ARHGAP26: variants seen among roughly 807,000 people sequenced by gnomAD.
The protein encoded by ARHGAP26 is rho GTPase-activating protein 26.
ARHGAP26 carries 38 observed loss-of-function variants against 104.8 expected under a neutral mutation model. The observed-to-expected ratio is 0.36, with a 90% CI of 0.28 to 0.48. The LOEUF (loss-of-function observed/expected upper bound fraction) is 0.48, where lower values mean the gene tolerates loss of function less well. Ranked by LOEUF, ARHGAP26 falls within the 20% of genes least tolerant of loss-of-function variation. The pLI is 0.99. For missense variants in ARHGAP26, 704 were observed against 947.9 expected (o/e 0.74, Z 3.38); for synonymous variants, 341 against 340.0 (o/e 1.00, Z -0.03).
intron 14 of ARHGAP26, among the ~76,000 whole-genome samples, chr5:143,047,397 T>C (rs2150192126): frequency 6.6e-6 from 1 of 152,364 alleles, no homozygotes; most frequent in Admixed American, 6.5e-5. Flanking sequence ...AAAAGATGCT[T>C]GTGGGTTGCT....
rs545353178 is a variant in ARHGAP26, at chr5:143,015,019, C to T, written c.1144+903C>T. Among the ~76,000 whole-genome samples the T allele has an allele frequency of 2.6e-5, 4 of 151,908 alleles. No individual in the cohort carries two copies. In the East Asian group the frequency reaches 5.8e-4, roughly 22 times the overall value. The stretch of plus-strand genomic sequence containing the variant: ...AAGCCATTACAGGACAGAGATTTTT[C>T]CCCCCCTTTCTTTCTCTTCAAAATA... On this transcript the variant is annotated intron_variant, in intron 12 of 22. Coordinates refer to ENST00000645722, the MANE Select transcript of ARHGAP26 (RefSeq NM_001135608.3).
chr5:142,853,005 C>T (rs529922655), intron 1 of ARHGAP26, among the ~76,000 whole-genome samples: 1 of 152,084 alleles, frequency 6.6e-6, no homozygotes, highest in Non-Finnish European at 1.5e-5. Context: ...TCAAGCTTGC[C>T]TTTATCGAGC....
intron 6 of ARHGAP26, among the ~76,000 whole-genome samples, chr5:142,901,340 GA>G (rs1760300656): frequency 6.6e-6 from 1 of 152,184 alleles, no homozygotes; most frequent in Non-Finnish European, 1.5e-5. Flanking sequence ...TGGGAATATG[GA>G]AATATTTTAA....
intron 10 of ARHGAP26, among the ~76,000 whole-genome samples, chr5:142,916,997 G>C (rs945876348): frequency 1.3e-5 from 2 of 152,058 alleles, no homozygotes; most frequent in Non-Finnish European, 2.9e-5. Flanking sequence ...AGGTTCTCAG[G>C]AGCCTGTTCC....
At chr5:143,014,255 C>A in intron 12 of ARHGAP26, 139 bp downstream of exon 12, 1 of 880,464 alleles carries the variant, frequency 1.1e-6, no homozygotes, top group Non-Finnish European at 1.9e-6. Flanking sequence ...GTGGGACATG[C>A]CTCCACCCCA....
At chr5:143,164,671 T>C (rs1460441646) in intron 20 of ARHGAP26, among the ~76,000 whole-genome samples, 1 of 152,152 alleles carries the variant, frequency 6.6e-6, no homozygotes, top group Non-Finnish European at 1.5e-5. Flanking sequence ...CTGTGTTGAG[T>C]TGGTATTTTG....
chr5:143,013,552 C>T (rs1056641563), intron 11 of ARHGAP26, among the ~76,000 whole-genome samples: 3 of 152,196 alleles, frequency 2.0e-5, no homozygotes, highest in African/African-American at 4.8e-5. Flanking sequence ...TCCCACTCCC[C>T]GGTATTAACA....
chr5:143,010,330 G>T (rs777691983), intron 11 of ARHGAP26, among the ~76,000 whole-genome samples: 2 of 152,212 alleles, frequency 1.3e-5, no homozygotes, highest in African/African-American at 2.4e-5. Context: ...TAGACAAACT[G>T]TGTAACCACT....
At chr5:142,835,397 T>A (rs1236922050) in intron 1 of ARHGAP26, among the ~76,000 whole-genome samples, 1 of 152,218 alleles carries the variant, frequency 6.6e-6, no homozygotes, top group Non-Finnish European at 1.5e-5. Context: ...AACTCCTGGG[T>A]CTTGCAATCT....
intron 6 of ARHGAP26, among the ~76,000 whole-genome samples, chr5:142,896,932 C>A (rs1759552547): frequency 6.6e-6 from 1 of 152,174 alleles, no homozygotes; most frequent in African/African-American, 2.4e-5. Flanking sequence ...CAAATAAAAA[C>A]TTAGCAATTA....
chr5:142,848,634 A>G (rs978658760), intron 1 of ARHGAP26, among the ~76,000 whole-genome samples: 10 of 152,230 alleles, frequency 6.6e-5, no homozygotes, highest in African/African-American at 1.9e-4. Context: ...GCACAGTGTG[A>G]AAGAATTTTG....
rs184938594 is a variant in ARHGAP26 at position 143,058,236 on chromosome 5, A to C, written c.1538+489A>C. 2.4e-3 allele frequency: 869 copies of C among 363,636 alleles called. 6 individuals are homozygous for C. Among genetic ancestry groups the C allele is most frequent in the African/African-American group, 0.016 (795 of 48,236 alleles). The allele number at this position is 363,636 out of a possible 1,614,324, so 22.5% of individuals were successfully genotyped here. On this transcript the variant is annotated intron_variant, in intron 17 of 22. Coordinates refer to ENST00000645722, the MANE Select transcript of ARHGAP26 (RefSeq NM_001135608.3). ...GAACTTTCTATTCCTTAGTTTCCCC[A>C]TCTGTCTAATATGGATAATAGACTC...
At chr5:143,179,672 C>G (rs143159784) in intron 20 of ARHGAP26, among the ~76,000 whole-genome samples, 10 of 152,328 alleles carry the variant, frequency 6.6e-5, no homozygotes, top group Non-Finnish European at 1.2e-4. Flanking sequence ...TGGGCCTTTT[C>G]TTGTCTGAAG....
intron 17 of ARHGAP26, among the ~76,000 whole-genome samples, chr5:143,102,299 C>G (rs779606319): frequency 6.6e-6 from 1 of 152,156 alleles, no homozygotes; most frequent in Non-Finnish European, 1.5e-5. Flanking sequence ...GTTCCACTAG[C>G]AAGTACCAGA....
rs555512330 is a variant in ARHGAP26, at chr5:143,095,353, T to C, written c.1539-25635T>C. Among the ~76,000 whole-genome samples the C allele has an allele frequency of 9.2e-5, 14 of 152,284 alleles. No individual in the cohort carries two copies. In the South Asian group the frequency reaches 2.7e-3, roughly 29 times the overall value. ...CTCCCAAATGAAACCCTGTTCAAGA[T>C]ACTATATTCTTAACTCAGCAGTTCT... On this transcript the variant is annotated intron_variant, in intron 17 of 22. Transcript: ENST00000645722.
At position 143,147,221 on chromosome 5, in the gene ARHGAP26, T is replaced by C. The variant is rs200135480; in HGVS notation, c.1838-10T>C. ...ATATTAATATGGGACTTGTGGCTTT[T>C]CCCCCCCAGAGGAACAAAGGAACAG... On this transcript the variant is annotated splice_polypyrimidine_tract_variant and intron_variant, in intron 19 of 22. Transcript: ENST00000645722. 171 of 1,612,666 alleles carry C rather than the reference T, an allele frequency of 1.1e-4. No homozygotes were observed. The highest frequency in any genetic ancestry group is 1.2e-4 in the Non-Finnish European group (145 of 1,179,302).
At chr5:142,824,222 C>G (rs549804094) in intron 1 of ARHGAP26, among the ~76,000 whole-genome samples, 1 of 152,246 alleles carries the variant, frequency 6.6e-6, no homozygotes, top group South Asian at 2.1e-4. Context: ...TTCTTGCAAT[C>G]CAGGTTCTTG....
rs557270081 is a variant in ARHGAP26, at chr5:142,986,144, T to G, written c.1108-27936T>G. Among the ~76,000 whole-genome samples, 13 of 152,320 alleles carry G rather than the reference T, an allele frequency of 8.5e-5. No homozygotes were observed. The East Asian group carries it at 2.5e-3, about 29-fold the overall frequency. Reference sequence around the variant, plus strand: ...ACCAACAGCGTAAAAGTGTTCCTATTTCTCCACATCCTCTGCAGCACCTGT... The same window carrying G: ...ACCAACAGCGTAAAAGTGTTCCTATGTCTCCACATCCTCTGCAGCACCTGT... On this transcript the variant is annotated intron_variant, in intron 11 of 22. Transcript: ENST00000645722.
chr5:142,788,293 G>A (rs551196118), intron 1 of ARHGAP26, among the ~76,000 whole-genome samples: 3 of 152,160 alleles, frequency 2.0e-5, no homozygotes, highest in South Asian at 2.1e-4. Context: ...GAGACACCGC[G>A]CCCGGCCAAT....
Sources: allele counts gnomAD v4.1 joint callset (sites outside exome capture counted in the v4.1 genomes callset), GRCh38; gene constraint gnomAD v4.1.1; transcripts MANE v1.5; gene names NCBI Gene and HGNC (gene_info 2026-07-23, HGNC 2026-07-21).